CNPY4: variants seen among roughly 807,000 people sequenced by gnomAD.
CNPY4 encodes the protein canopy FGF signaling regulator 4.
Under a neutral mutation model 30.1 loss-of-function variants are expected in CNPY4, and 33 were observed. The ratio of observed to expected loss-of-function variants is 1.10; its 90% CI spans 0.83 to 1.46. The LOEUF is 1.46. Among genes scored for constraint, CNPY4 ranks in the 40% most tolerant of loss-of-function variants. CNPY4 has a pLI of 0.00. For synonymous variants in CNPY4, 109 were observed against 110.1 expected (o/e 0.99, Z 0.06); for missense variants, 324 against 302.6 (o/e 1.07, Z -0.52).
intron 1 of CNPY4, 150 bp downstream of exon 1, chr7:100,120,012 C>G (rs1298115722): frequency 1.5e-6 from 1 of 649,338 alleles, no homozygotes; most frequent in Non-Finnish European, 2.5e-6. Flanking sequence ...TGGATGGGGT[C>G]AAGGAAGCGA....
intron 1 of CNPY4, among the ~76,000 whole-genome samples, chr7:100,121,722 G>A (rs1798072832): frequency 6.6e-6 from 1 of 151,396 alleles, no homozygotes; most frequent in Non-Finnish European, 1.5e-5. Context: ...TTACAGGTGT[G>A]AGCCACCACT....
chr7:100,122,218 TTGTC>T (rs749092095), intron 1 of CNPY4, 37 bp from the exon 2 acceptor site: 1 of 1,611,116 alleles, frequency 6.2e-7, no homozygotes, highest in Non-Finnish European at 8.5e-7. Context: ...GCTGGTGTGT[TTGTC>T]TTTTACCTCC....
chr7:100,124,930 A>T lies in CNPY4; in HGVS notation c.*42A>T. ...CCCAGGAGGGGAAGGGATCATGGAGAGCCCTCTAAAGCCTGCACTCTCCCT... is the reference window on the plus strand; with the variant it reads ...CCCAGGAGGGGAAGGGATCATGGAGTGCCCTCTAAAGCCTGCACTCTCCCT... On this transcript the variant is annotated 3_prime_UTR_variant, in exon 6 of 6. Transcript: ENST00000262932. The T allele has an allele frequency of 6.5e-7, 1 of 1,536,024 alleles. No individual in the cohort carries two copies. Among genetic ancestry groups the T allele is most frequent in the Non-Finnish European group, 8.7e-7 (1 of 1,145,024 alleles).
chr7:100,120,966 C>T (rs1456257324), intron 1 of CNPY4, among the ~76,000 whole-genome samples: 1 of 151,660 alleles, frequency 6.6e-6, no homozygotes, highest in Non-Finnish European at 1.5e-5. Context: ...CAATAAATAA[C>T]TGCAGGATAA....
intron 5 of CNPY4, 38 bp from the exon 6 acceptor site, chr7:100,124,687 G>A: frequency 1.2e-6 from 2 of 1,613,142 alleles, no homozygotes; most frequent in Non-Finnish European, 1.7e-6. Context: ...CCTGCCTCCA[G>A]GACTAATATC....
At chr7:100,124,296 G>A in intron 4 of CNPY4, 1 of 522,638 alleles carries the variant, frequency 1.9e-6, no homozygotes, top group South Asian at 2.5e-5. Flanking sequence ...ATATTTTACA[G>A]GCAAGGAGCT....
chr7:100,120,030 G>T (rs1797983970), intron 1 of CNPY4, 168 bp downstream of exon 1: 1 of 557,324 alleles, frequency 1.8e-6, no homozygotes, highest in African/African-American at 1.9e-5. Flanking sequence ...CGAACGTGTA[G>T]TGCCACCTCA....
At chr7:100,120,872 C>T (rs746183759) in intron 1 of CNPY4, among the ~76,000 whole-genome samples, 16 of 151,836 alleles carry the variant, frequency 1.1e-4, no homozygotes, top group Non-Finnish European at 2.2e-4. Context: ...GTTTATCTGT[C>T]CCAACTACAC....
At chr7:100,123,114 G>C (rs1798117149) in intron 4 of CNPY4, among the ~76,000 whole-genome samples, 1 of 152,100 alleles carries the variant, frequency 6.6e-6, no homozygotes, top group Admixed American at 6.6e-5. Context: ...GGCTGAGGCA[G>C]GTGGATCACC....
rs569562640 is a variant in CNPY4, at chr7:100,122,282, C to G, written c.142C>G (p.Leu48Val). 12 of 1,614,096 alleles carry G rather than the reference C, an allele frequency of 7.4e-6. No individual in the cohort carries two copies. The Admixed American group carries it at 1.3e-4, about 18-fold the overall frequency. Residue 48 changes from leucine to valine, a missense_variant, in exon 2 of 6, where the codon CTA (leucine) becomes GTA (valine). By Grantham distance (32) the Leu-to-Val change is conservative. Transcript: ENST00000262932. ...AGTGTGTAAGCTGCTGAGCACAGAG[C>G]TACAGGCGGAACTGAGTCGCACCGG... ...CEVCKLLSTE[L>V]QAELSRTGRS...
At position 100,125,274 on chromosome 7, in the gene CNPY4, A is replaced by T. The variant is rs183981798; in HGVS notation, c.*386A>T. 1 of 186,998 alleles carries T rather than the reference A, an allele frequency of 5.3e-6. No individual in the cohort carries two copies. The highest frequency in any genetic ancestry group is 2.4e-5 in the African/African-American group (1 of 42,272). 11.6% of individuals were successfully genotyped at this position (186,998 alleles called of 1,614,324 possible). On this transcript the variant is annotated 3_prime_UTR_variant, in exon 6 of 6. Coordinates refer to ENST00000262932, the MANE Select transcript of CNPY4 (RefSeq NM_152755.2). ...CTGTTTTTAGACCCTTCCAAGGAAG[A>T]GGCCAGAACGGACATTCTCTGCGAT...
Position 100,122,915 on chromosome 7 carries a change from A to G in CNPY4, c.465+9A>G. The G allele has an allele frequency of 6.2e-7, 1 of 1,610,518 alleles. No individual in the cohort carries two copies. Among genetic ancestry groups the G allele is most frequent in the South Asian group, 1.1e-5 (1 of 90,414 alleles). ...CATACCTCAAGAAGCAGGTAGGATA[A>G]GACACTGCACCATCCAGGGAGGTGA... On this transcript the variant is annotated intron_variant, in intron 4 of 5. Coordinates refer to ENST00000262932, the MANE Select transcript of CNPY4 (RefSeq NM_152755.2).
At position 100,125,046 on chromosome 7, in the gene CNPY4, A is replaced by G. The variant is rs1472805422; in HGVS notation, c.*158A>G. ...CTAACCTCAGGCAAGATCCTGGTGAAACAGCATGACATGGCTTCTGGGGTG... is the reference window on the plus strand; with the variant it reads ...CTAACCTCAGGCAAGATCCTGGTGAGACAGCATGACATGGCTTCTGGGGTG... On this transcript the variant is annotated 3_prime_UTR_variant, in exon 6 of 6. Transcript: ENST00000262932. 2 of 827,536 alleles carry G rather than the reference A, an allele frequency of 2.4e-6. No homozygotes were observed. The highest frequency in any genetic ancestry group is 3.7e-6 in the Non-Finnish European group (2 of 539,576). 51.3% of individuals were successfully genotyped at this position (827,536 alleles called of 1,614,324 possible).
At chr7:100,120,061 T>G in intron 1 of CNPY4, 199 bp downstream of exon 1, 1 of 479,944 alleles carries the variant, frequency 2.1e-6, no homozygotes. Flanking sequence ...AGAGAGAGCC[T>G]GCATTTTTTT....
Position 100,122,516 on chromosome 7 carries a change from G to C in CNPY4, c.281G>C (p.Cys94Ser). ...CTGGAAGAGGCCTTAGAGAATTTAT[G>C]TGAGCGGATCCTGGACTATAGTGTT... ...TRLEEALENL[C>S]ERILDYSVHA... The change falls in exon 3 of 6, where the codon TGT becomes TCT. Residue 94 changes from cysteine to serine, a missense_variant. By Grantham distance (112) the Cys-to-Ser change is moderately radical. Transcript: ENST00000262932. The C allele has an allele frequency of 6.2e-7, 1 of 1,614,028 alleles. No individual in the cohort carries two copies. Among genetic ancestry groups the C allele is most frequent in the Non-Finnish European group, 8.5e-7 (1 of 1,180,022 alleles).
intron 4 of CNPY4, 107 bp downstream of exon 4, chr7:100,123,013 G>A (rs1798114798): frequency 7.6e-7 from 1 of 1,320,674 alleles, no homozygotes; most frequent in African/African-American, 1.5e-5. Context: ...GCATGGGGAA[G>A]GGGCCAGAGT....
intron 4 of CNPY4, chr7:100,124,297 G>A (rs1214210977): frequency 1.9e-6 from 1 of 522,252 alleles, no homozygotes; most frequent in African/African-American, 1.9e-5. Flanking sequence ...TATTTTACAG[G>A]CAAGGAGCTG....
intron 1 of CNPY4, chr7:100,120,335 G>A (rs1797997657): frequency 6.5e-6 from 1 of 153,074 alleles, no homozygotes; most frequent in African/African-American, 2.4e-5. Context: ...AGCCTTTGAA[G>A]CTCATAAACA....
chr7:100,123,057 A>G, intron 4 of CNPY4, 151 bp downstream of exon 4: 2 of 850,448 alleles, frequency 2.4e-6, no homozygotes, highest in East Asian at 5.7e-5. Flanking sequence ...TGGGTCCAGG[A>G]GCGGTGGGGT....
Sources: gnomAD v4.1 joint callset for allele counts (sites outside exome capture counted in the v4.1 genomes callset) on GRCh38, gnomAD v4.1.1 for gene constraint, MANE v1.5 for transcripts, NCBI Gene and HGNC (gene_info 2026-07-23, HGNC 2026-07-21) for gene names.